Variants in FLT4 observed in about 807,000 individuals in gnomAD.
FLT4 encodes vascular endothelial growth factor receptor 3.
Under a neutral mutation model 163.2 loss-of-function variants are expected in FLT4, and 30 were observed. The ratio of observed to expected loss-of-function variants is 0.18; its 90% CI spans 0.14 to 0.25. FLT4 has a LOEUF of 0.25. FLT4 is among the 10% of genes least tolerant of loss of function. The pLI is 1.00. For synonymous variants in FLT4, 884 were observed against 789.5 expected (o/e 1.12, Z -2.01); for missense variants, 1,510 against 1,863.8 (o/e 0.81, Z 3.50).
At chr5:180,611,265 G>A (rs573498240) in intron 27 of FLT4, 66 bp downstream of exon 27, 3 of 1,575,210 alleles carry the variant, frequency 1.9e-6, no homozygotes, top group Non-Finnish European at 2.6e-6. Context: ...TGACGCAGAG[G>A]GATAAAATGC....
At chr5:180,649,685 G>GC (rs925302261), upstream of FLT4, 19 of 248,778 alleles carry the variant, frequency 7.6e-5, no homozygotes, top group Non-Finnish European at 6.1e-5. Flanking sequence ...CGCTCCCCGC[G>GC]CCCCCCTCCC....
chr5:180,628,305 G>T (rs1763798185), intron 8 of FLT4, among the ~76,000 whole-genome samples: 1 of 152,224 alleles, frequency 6.6e-6, no homozygotes. Context: ...GTAGCCAGCG[G>T]AGACAGGGCC....
At chr5:180,622,193 CTT>C (rs968122857) in intron 12 of FLT4, among the ~76,000 whole-genome samples, 2 of 152,194 alleles carry the variant, frequency 1.3e-5, no homozygotes, top group Admixed American at 6.5e-5. Context: ...CCCACTTCCT[CTT>C]GTCTCTCTGG....
chr5:180,622,605 G>T, intron 12 of FLT4, 126 bp downstream of exon 12: 1 of 705,392 alleles, frequency 1.4e-6, no homozygotes, highest in South Asian at 1.5e-5. Flanking sequence ...TATTTTTCCT[G>T]TCTACAACCG....
chr5:180,611,382 G>A lies in FLT4; in HGVS notation c.3635C>T (p.Ala1212Val), dbSNP rs2127791308. 1 of 1,614,062 alleles carries A rather than the reference G, an allele frequency of 6.2e-7. No homozygotes were observed. Among genetic ancestry groups the A allele is most frequent in the East Asian group, 2.2e-5 (1 of 44,884 alleles). The change falls in exon 27 of 30, where the codon GCT (alanine) becomes GTT (valine). Residue 1212 changes from alanine to valine, a missense_variant. This residue lies in a region of FLT4 where 295 missense variants were observed against 311.0 expected (regional missense o/e 0.95). Coordinates refer to ENST00000261937, the MANE Select transcript of FLT4 (RefSeq NM_182925.5). Reference protein sequence around the residue: ...VSTMALHIAQADAEDSPPSLQ... With the variant: ...VSTMALHIAQVDAEDSPPSLQ... ...GCTTGGCGGGCTGTCCTCAGCGTCA[G>A]CCTGGGCGATGTGTAGGGCCATGGT... is the stretch of plus-strand genomic sequence containing the variant.
Position 180,622,847 on chromosome 5 carries a change from A to G in FLT4, c.1549-8T>C, listed in dbSNP as rs536619298. The G allele has an allele frequency of 8.2e-6, 13 of 1,594,706 alleles. 1 individual carries two copies. Among genetic ancestry groups the G allele is most frequent in the Middle Eastern group, 1.7e-4 (1 of 5,998 alleles). Reference sequence around the variant, plus strand: ...CACCAGCTTGCTCACAGTCTGGGAGAGCACAGGCACAAGGATCCATTTCCT... The same window carrying G: ...CACCAGCTTGCTCACAGTCTGGGAGGGCACAGGCACAAGGATCCATTTCCT... On this transcript the variant is annotated splice_polypyrimidine_tract_variant and splice_region_variant and intron_variant, in intron 11 of 29. Transcript: ENST00000261937.
At chr5:180,627,550 T>C (rs1763723645) in intron 8 of FLT4, among the ~76,000 whole-genome samples, 1 of 128,180 alleles carries the variant, frequency 7.8e-6, no homozygotes, top group South Asian at 2.3e-4. Context: ...ATCTGTGTGT[T>C]TGCTAGACCG....
intron 21 of FLT4, 26 bp from the exon 22 acceptor site, chr5:180,617,020 A>AGGAGGCGCCTCC: frequency 6.4e-7 from 1 of 1,572,560 alleles, no homozygotes; most frequent in Non-Finnish European, 8.7e-7. Context: ...AGGTGGGCTC[A>AGGAGGCGCCTCC]GGAGGCGCCT....
intron 26 of FLT4, chr5:180,611,739 C>T: frequency 1.7e-6 from 1 of 572,998 alleles, no homozygotes; most frequent in Non-Finnish European, 3.1e-6. Context: ...GAAACGAGCT[C>T]ATGCCAGAAA....
intron 1 of FLT4, 73 bp from the exon 2 acceptor site, chr5:180,631,851 A>C: frequency 9.3e-7 from 1 of 1,077,178 alleles, no homozygotes; most frequent in South Asian, 1.3e-5. Context: ...ATGGCTGGGC[A>C]TTCTGCATCG....
chr5:180,647,632 C>T (rs1257782692), intron 1 of FLT4, among the ~76,000 whole-genome samples: 1 of 151,942 alleles, frequency 6.6e-6, no homozygotes, highest in Non-Finnish European at 1.5e-5. Context: ...GTGCTTCCGC[C>T]ATGGCATCCC....
At chr5:180,627,435 C>T (rs1763715351) in intron 8 of FLT4, among the ~76,000 whole-genome samples, 1 of 152,212 alleles carries the variant, frequency 6.6e-6, no homozygotes, top group Non-Finnish European at 1.5e-5. Flanking sequence ...TTCATTGCCT[C>T]AATGGAGATG....
intron 29 of FLT4, chr5:180,607,884 G>C (rs1761887230): frequency 3.5e-6 from 2 of 576,948 alleles, no homozygotes; most frequent in Non-Finnish European, 6.2e-6. Context: ...CAAGAGGTGA[G>C]CCCTCTGTCA....
intron 1 of FLT4, among the ~76,000 whole-genome samples, chr5:180,642,991 A>G (rs1288601377): frequency 6.6e-6 from 1 of 152,216 alleles, no homozygotes; most frequent in Non-Finnish European, 1.5e-5. Flanking sequence ...ACAGATAGAA[A>G]GCTAGCACAC....
intron 27 of FLT4, among the ~76,000 whole-genome samples, chr5:180,610,386 G>T (rs952735317): frequency 6.6e-6 from 1 of 152,262 alleles, no homozygotes; most frequent in East Asian, 1.9e-4. Context: ...CTGCCCGTAC[G>T]TGGGTGCACT....
At position 180,636,214 on chromosome 5, in the gene FLT4, T is replaced by C. The variant is rs551792115; in HGVS notation, c.59-4436A>G. Among the ~76,000 whole-genome samples the C allele has an allele frequency of 6.6e-6, 1 of 152,238 alleles. No individual in the cohort carries two copies. The highest frequency in any genetic ancestry group is 6.5e-5 in the Admixed American group (1 of 15,302). ...ATGACATGTCTCCTTTTTCATGACA[T>C]ACCATAACTTATTCCAGTGACCCCT... is the stretch of plus-strand genomic sequence containing the variant. On this transcript the variant is annotated intron_variant, in intron 1 of 29. Coordinates refer to ENST00000261937, the MANE Select transcript of FLT4 (RefSeq NM_182925.5). The surrounding 1 kb of genome is among the most constrained non-coding windows in gnomAD (Gnocchi z 4.3).
At position 180,613,103 on chromosome 5, in the gene FLT4, G is replaced by A. The variant is rs201965571; in HGVS notation, c.3339C>T (p.Ser1113=). 5 of 1,612,930 alleles carry A rather than the reference G, an allele frequency of 3.1e-6. No individual in the cohort carries two copies. Among genetic ancestry groups the A allele is most frequent in the Non-Finnish European group, 4.2e-6 (5 of 1,179,388 alleles). The change falls in exon 25 of 30, where the codon TCC becomes TCT. Residue 1113 remains serine, a synonymous_variant. Transcript: ENST00000261937. ...CATTGATCTGCACCCCAGGGTACGG[G>A]GAGGCCCCTGACAACAGGAAGGGGA... is the stretch of plus-strand genomic sequence containing the variant. ...LLWEIFSLGA[S]PYPGVQINEE...
intron 18 of FLT4, 71 bp downstream of exon 18, chr5:180,619,594 G>T: frequency 1.6e-6 from 2 of 1,259,124 alleles, no homozygotes; most frequent in Non-Finnish European, 2.3e-6. Context: ...CCGAGTTGCC[G>T]TCCCACCGGC....
chr5:180,622,589 TA>T, intron 12 of FLT4, 141 bp downstream of exon 12: 1 of 688,206 alleles, frequency 1.5e-6, no homozygotes, highest in East Asian at 2.7e-5. Context: ...TGGTGACCCT[TA>T]AATCTATTTT....
Sources: gnomAD v4.1 joint callset for allele counts (sites outside exome capture counted in the v4.1 genomes callset) on GRCh38, gnomAD v4.1.1 for gene constraint, gnomAD v4.1.1 regional missense constraint, Gnocchi (gnomAD v3.1) non-coding constraint, MANE v1.5 for transcripts, NCBI Gene and HGNC (gene_info 2026-07-23, HGNC 2026-07-21) for gene names.